ZNF311: variants seen among roughly 807,000 people sequenced by gnomAD.
ZNF311 encodes zinc finger protein 311, also known as zinc finger protein zfp31.
Under a neutral mutation model 22.7 loss-of-function variants are expected in ZNF311, and 14 were observed. The observed-to-expected ratio is 0.62, with a 90% CI of 0.41 to 0.96. The LOEUF (loss-of-function observed/expected upper bound fraction) is 0.96. Among genes scored for constraint, ZNF311 ranks in the 40% least tolerant of loss-of-function variants. The probability of loss-of-function intolerance (pLI) is 0.00; values close to 1 mark genes in which losing one functional copy is unlikely to be tolerated. For missense variants in ZNF311, 731 were observed against 799.0 expected (o/e 0.91, Z 1.03); for synonymous variants, 250 against 275.3 (o/e 0.91, Z 0.91).
At chr6:29,002,468 ATTTTAT>A (rs1384728348) in intron 3 of ZNF311, among the ~76,000 whole-genome samples, 2 of 152,068 alleles carry the variant, frequency 1.3e-5, no homozygotes, top group African/African-American at 4.8e-5. Context: ...CTAGAAACAC[ATTTTAT>A]TTTTATTTTT....
Position 28,996,489 on chromosome 6 carries a change from GA to G in ZNF311, c.512del (p.Leu171ProfsTer2). 6.2e-7 allele frequency: 1 copy of G among 1,607,856 alleles called. No homozygotes were observed. The highest frequency in any genetic ancestry group is 1.3e-5 in the African/African-American group (1 of 74,996). ...GEAYWMKFNS[L>X]LKVDSRDPKV... ...TAGGATCCCGGGAATCAACTTTTAG[GA>G]GACTGTTAAATTTCATCCAGTAGGC... On this transcript the variant is annotated frameshift_variant, in exon 7 of 7. Coordinates refer to ENST00000377179, the MANE Select transcript of ZNF311 (RefSeq NM_001382360.1). LOFTEE classifies it low-confidence loss of function (END_TRUNC).
chr6:29,000,035 G>A lies in ZNF311; in HGVS notation c.104C>T (p.Ala35Val), dbSNP rs374958555. 3 of 1,613,414 alleles carry A rather than the reference G, an allele frequency of 1.9e-6. No homozygotes were observed. The highest frequency in any genetic ancestry group is 2.5e-6 in the Non-Finnish European group (3 of 1,179,858). The change falls in exon 4 of 7, where the codon GCT (alanine) becomes GTT (valine). Residue 35 changes from alanine (A) to valine (V), a missense_variant. Coordinates refer to ENST00000377179, the MANE Select transcript of ZNF311 (RefSeq NM_001382360.1). The stretch of plus-strand genomic sequence containing the variant: ...ATCTTTAGTGAAGGCAGGATATGGA[G>A]CAGGTAATAGAGCTGAGGGAAGATA... ...QLPQESALLP[A>V]PYPAFTKDGS...
rs1780136733 is a variant in ZNF311 at position 28,999,521 on chromosome 6, C to G, written c.276G>C (p.Val92=). 1 of 1,612,038 alleles carries G rather than the reference C, an allele frequency of 6.2e-7. No homozygotes were observed. Among genetic ancestry groups the G allele is most frequent in the Middle Eastern group, 1.7e-4 (1 of 6,060 alleles). The change falls in exon 5 of 7, where the codon GTG becomes GTC. Residue 92 remains valine, a synonymous_variant. Transcript: ENST00000377179. ...CCATGTTCCCATAATTTTCCAACAT[C>G]ACATCCTTATAGAGATGCCTTTGAG... ...TYAQRHLYKD[V]MLENYGNMVS... is the part of the protein sequence containing the mutation.
chr6:28,995,800 T>C lies in ZNF311; in HGVS notation c.1202A>G (p.Asp401Gly). The C allele has an allele frequency of 6.2e-7, 1 of 1,613,896 alleles. No individual in the cohort carries two copies. The highest frequency in any genetic ancestry group is 8.5e-7 in the Non-Finnish European group (1 of 1,179,982). Residue 401 changes from aspartate to glycine, a missense_variant, in exon 7 of 7, where the codon GAC becomes GGC. Coordinates refer to ENST00000377179, the MANE Select transcript of ZNF311 (RefSeq NM_001382360.1). This position sits in a 1 kb window ranked among gnomAD's most constrained non-coding sequence, Gnocchi z 4.7. ...ECGKAFSGSS[D>G]LTKHIRIHTG... ...GTGGATTCTTATGTGTTTGGTGAGG[T>C]CTGAACTCCCACTGAAGGCCTTCCC...
Position 28,996,499 on chromosome 6 carries a change from A to T in ZNF311, c.503T>A (p.Phe168Tyr). Reference sequence around the variant, plus strand: ...GGAATCAACTTTTAGGAGACTGTTAAATTTCATCCAGTAGGCTTCTCCATT... The same window carrying T: ...GGAATCAACTTTTAGGAGACTGTTATATTTCATCCAGTAGGCTTCTCCATT... ...FENGEAYWMK[F>Y]NSLLKVDSRD... The change falls in exon 7 of 7, where the codon TTT becomes TAT. Residue 168 changes from phenylalanine to tyrosine, a missense_variant. Transcript: ENST00000377179. 6.2e-7 allele frequency: 1 copy of T among 1,607,530 alleles called. No individual in the cohort carries two copies. Among genetic ancestry groups the T allele is most frequent in the Non-Finnish European group, 8.5e-7 (1 of 1,179,994 alleles).
Position 28,995,160 on chromosome 6 carries a change from C to T in ZNF311, c.1842G>A (p.Glu614=). 1 of 1,614,040 alleles carries T rather than the reference C, an allele frequency of 6.2e-7. No homozygotes were observed. The highest frequency in any genetic ancestry group is 1.3e-5 in the African/African-American group (1 of 75,018). ...VHTGEKPYEC[E]ECGKAFRVSS... ...TCACTCTAAAAGCTTTTCCACATTC[C>T]TCACATTCATAAGGTTTCTCCCCAG... The change falls in exon 7 of 7, where the codon GAG becomes GAA. Residue 614 remains glutamate (E), a synonymous_variant. Coordinates refer to ENST00000377179, the MANE Select transcript of ZNF311 (RefSeq NM_001382360.1). The surrounding 1 kb of genome is among the most constrained non-coding windows in gnomAD (Gnocchi z 4.7).
rs1477151307 is a variant in ZNF311 at position 28,995,897 on chromosome 6, G to A, written c.1105C>T (p.Gln369Ter). 1.2e-6 allele frequency: 2 copies of A among 1,613,694 alleles called. No homozygotes were observed. The highest frequency in any genetic ancestry group is 1.7e-5 in the Admixed American group (1 of 59,966). Residue 369 changes from glutamine (Q) to a stop codon, truncating the protein, a stop_gained, in exon 7 of 7, where the codon CAG becomes TAG. Transcript: ENST00000377179. LOFTEE classifies it low-confidence loss of function (END_TRUNC). The surrounding 1 kb of genome is among the most constrained non-coding windows in gnomAD (Gnocchi z 4.7). ...TGGATGGTAAGGGAATGCTTAAACTGGAAGGCCTTCCCACAGCAGTTACAT... is the reference window on the plus strand; with the variant it reads ...TGGATGGTAAGGGAATGCTTAAACTAGAAGGCCTTCCCACAGCAGTTACAT... ...YKCNCCGKAF[Q>*]FKHSLTIHGR...
At position 28,995,531 on chromosome 6, in the gene ZNF311, G is replaced by A. The variant is rs751092630; in HGVS notation, c.1471C>T (p.Arg491Ter). Residue 491 changes from arginine (R) to a stop codon, truncating the protein, a stop_gained, in exon 7 of 7, where the codon CGA becomes TGA. Coordinates refer to ENST00000377179, the MANE Select transcript of ZNF311 (RefSeq NM_001382360.1). LOFTEE classifies it low-confidence loss of function (END_TRUNC). The surrounding 1 kb of genome is among the most constrained non-coding windows in gnomAD (Gnocchi z 4.7). ...TAGGGCTTCTCCCCTGTATGCTCTC[G>A]TTCATGAGCCCTGCGCTTACAGTTA... ...RHNCKRRAHEREHTGEKPYQC... is the reference protein window; with the variant it reads ...RHNCKRRAHE 4.1e-5 allele frequency: 66 copies of A among 1,613,414 alleles called. No individual in the cohort carries two copies. Among genetic ancestry groups the A allele is most frequent in the Non-Finnish European group, 5.3e-5 (62 of 1,179,942 alleles).
In ZNF311 at chr6:28,996,943, G is replaced by C. The variant is rs1203239250; in HGVS notation, c.416-357C>G. On this transcript the variant is annotated intron_variant, in intron 6 of 6. Transcript: ENST00000377179. ...TTCTACCTGTGAAGAGAGTTACAGA[G>C]GAGGTGCTGAAATGCTGATGCAGTC... Among the ~76,000 whole-genome samples, 34 of 152,226 alleles carry C rather than the reference G, an allele frequency of 2.2e-4. 1 individual carries two copies. The highest frequency in any genetic ancestry group is 2.2e-3 in the Admixed American group (34 of 15,288).
chr6:29,000,376 G>A (rs1022599564), intron 3 of ZNF311, among the ~76,000 whole-genome samples: 3 of 152,070 alleles, frequency 2.0e-5, no homozygotes, highest in African/African-American at 7.2e-5. Flanking sequence ...TTATTCCCTG[G>A]TTTTGAATAG....
chr6:29,002,373 A>C (rs1446349536), intron 3 of ZNF311, among the ~76,000 whole-genome samples: 2 of 152,116 alleles, frequency 1.3e-5, no homozygotes, highest in Admixed American at 1.3e-4. Flanking sequence ...TAAAAAATTT[A>C]TGTTCTATAT....
In ZNF311 at chr6:28,996,583, G is replaced by A. The variant is rs773216810; in HGVS notation, c.419C>T (p.Ser140Leu). Residue 140 changes from serine (S) to leucine (L), a missense_variant, in exon 7 of 7, where the codon TCA (serine) becomes TTA (leucine). Physicochemically the swap from Ser to Leu is moderately radical, Grantham distance 145 (BLOSUM62 -2). Coordinates refer to ENST00000377179, the MANE Select transcript of ZNF311 (RefSeq NM_001382360.1). ...ATTCTCAGGCCACATCTTGTCAGCTGACACTTAAACAAGAAAATACAAATG... is the reference window on the plus strand; with the variant it reads ...ATTCTCAGGCCACATCTTGTCAGCTAACACTTAAACAAGAAAATACAAATG... Reference protein sequence around the residue: ...RESLSCSYPVSADKMWPENEK... With the variant: ...RESLSCSYPVLADKMWPENEK... 1.9e-6 allele frequency: 3 copies of A among 1,585,828 alleles called. No individual in the cohort carries two copies. Among genetic ancestry groups the A allele is most frequent in the Non-Finnish European group, 2.6e-6 (3 of 1,174,452 alleles).
At chr6:29,004,322 T>C in intron 1 of ZNF311, 108 bp from the exon 2 acceptor site, 2 of 695,202 alleles carry the variant, frequency 2.9e-6, no homozygotes, top group South Asian at 5.3e-5. Context: ...ATATCCAGAA[T>C]ACAATCTCAA....
At chr6:29,000,897 C>T (rs1456667039) in intron 3 of ZNF311, among the ~76,000 whole-genome samples, 1 of 152,064 alleles carries the variant, frequency 6.6e-6, no homozygotes, top group Non-Finnish European at 1.5e-5. Flanking sequence ...CTGCCTCAGC[C>T]TCCCAAGTAG....
intron 3 of ZNF311, among the ~76,000 whole-genome samples, chr6:29,001,906 C>T (rs1780495209): frequency 6.6e-6 from 1 of 152,186 alleles, no homozygotes; most frequent in African/African-American, 2.4e-5. Flanking sequence ...TGTTTACCTT[C>T]TTTTTCGAGG....
chr6:29,002,386 T>C (rs890380254), intron 3 of ZNF311, among the ~76,000 whole-genome samples: 7 of 152,160 alleles, frequency 4.6e-5, no homozygotes, highest in Non-Finnish European at 8.8e-5. Context: ...TTCTATATTA[T>C]TAATTCTCAT....
intron 3 of ZNF311, among the ~76,000 whole-genome samples, chr6:29,002,766 G>C (rs994635172): frequency 2.0e-5 from 3 of 151,964 alleles, no homozygotes; most frequent in African/African-American, 7.3e-5. Context: ...GGTTACAGGT[G>C]CATTACACCA....
intron 3 of ZNF311, among the ~76,000 whole-genome samples, chr6:29,002,916 C>T (rs926863639): frequency 1.3e-5 from 2 of 152,120 alleles, no homozygotes; most frequent in Admixed American, 1.3e-4. Flanking sequence ...TCACCGCACC[C>T]GGCCTACCAT....
At chr6:29,001,023 G>A (rs1462611765) in intron 3 of ZNF311, among the ~76,000 whole-genome samples, 3 of 152,012 alleles carry the variant, frequency 2.0e-5, no homozygotes, top group Non-Finnish European at 4.4e-5. Context: ...TGATCCACCC[G>A]CCTCGGCCTC....
Sources: gnomAD v4.1 joint callset for allele counts (sites outside exome capture counted in the v4.1 genomes callset) on GRCh38, gnomAD v4.1.1 for gene constraint, Gnocchi (gnomAD v3.1) non-coding constraint, MANE v1.5 for transcripts, NCBI Gene and HGNC (gene_info 2026-07-23, HGNC 2026-07-21) for gene names.